LYZL2: variants seen among roughly 807,000 people sequenced by gnomAD.
LYZL2 encodes the protein lysozyme-like protein 2.
LYZL2 carries 13 observed loss-of-function variants against 17.1 expected under a neutral mutation model. The observed-to-expected ratio is 0.76, with a 90% CI of 0.49 to 1.21. The LOEUF (loss-of-function observed/expected upper bound fraction) is 1.21, where lower values mean the gene tolerates loss of function less well. Ranked by LOEUF, LYZL2 falls within the 50% of genes most tolerant of loss-of-function variation. LYZL2 has a pLI of 0.00. For synonymous variants in LYZL2, 63 were observed against 74.4 expected, an observed-to-expected ratio of 0.85 and a Z score of 0.79; for missense variants, 166 against 189.2, an observed-to-expected ratio of 0.88 and a Z score of 0.72.
chr10:30,612,079 T>C (rs1838455621), intron 4 of LYZL2, 55 bp from the exon 5 acceptor site: 1 of 1,597,870 alleles, frequency 6.3e-7, no homozygotes, highest in South Asian at 1.1e-5. Context: ...ATCCAAACCG[T>C]CTCAGTTTCA....
At chr10:30,609,452 T>C (rs1352008009), downstream of LYZL2, among the ~76,000 whole-genome samples, 1 of 151,990 alleles carries the variant, frequency 6.6e-6, no homozygotes, top group Non-Finnish European at 1.5e-5. Context: ...ATATACTGGG[T>C]ATAAAAGGAA....
At position 30,612,828 on chromosome 10, in the gene LYZL2, T is replaced by A; in HGVS notation, c.371A>T (p.Asn124Ile). Residue 124 changes from asparagine (N) to isoleucine (I), a missense_variant, in exon 4 of 5, where the codon AAC (asparagine) becomes ATC (isoleucine). Physicochemically the swap from Asn to Ile is moderately radical, Grantham distance 149. Around this residue, in one of 2 missense-constraint regions of LYZL2, gnomAD observed 134 missense variants for 129.4 expected, o/e 1.04. Transcript: ENST00000647634. ...KKIVKETQGM[N>I]YWQGWKKHCE... The stretch of plus-strand genomic sequence containing the variant: ...TCCAAGGAAAGACTCTTACCAATAG[T>A]TCATTCCTTGTGTCTCTTTAACAAT... 6.2e-7 allele frequency: 1 copy of A among 1,610,970 alleles called. No homozygotes were observed. The highest frequency in any genetic ancestry group is 8.5e-7 in the Non-Finnish European group (1 of 1,177,012).
At position 30,626,739 on chromosome 10, in the gene LYZL2, T is replaced by C. The variant is rs560286044; in HGVS notation, c.139+38A>G. 99 of 1,612,810 alleles carry C rather than the reference T, an allele frequency of 6.1e-5. No individual in the cohort carries two copies. In the South Asian group the frequency reaches 1.1e-3, roughly 18 times the overall value. The stretch of plus-strand genomic sequence containing the variant: ...GACCTTCAACATCTCAGGGGAAAGG[T>C]CAAGGACAGAAAGAGAGCAGGAAAG... On this transcript the variant is annotated intron_variant, in intron 2 of 4. Coordinates refer to ENST00000647634, the MANE Select transcript of LYZL2 (RefSeq NM_183058.3).
At chr10:30,617,367 A>T (rs939649787) in intron 3 of LYZL2, among the ~76,000 whole-genome samples, 9 of 152,236 alleles carry the variant, frequency 5.9e-5, no homozygotes, top group Admixed American at 2.0e-4. Context: ...CATTGGACAC[A>T]ACTGAATTTC....
At chr10:30,615,328 C>T (rs1838510667) in intron 3 of LYZL2, among the ~76,000 whole-genome samples, 1 of 152,138 alleles carries the variant, frequency 6.6e-6, no homozygotes, top group African/African-American at 2.4e-5. Flanking sequence ...GCAAAATCTA[C>T]AAAAGTTGAA....
At chr10:30,611,605 AAGAAAGAAAG>A (rs1358687038), downstream of LYZL2, among the ~76,000 whole-genome samples, 8 of 140,986 alleles carry the variant, frequency 5.7e-5, no homozygotes, top group African/African-American at 2.2e-4. Flanking sequence ...GAAAGAAAGA[AAGAAAGAAAG>A]AGAAAGAAAG....
At chr10:30,612,938 T>C (rs1172767668) in intron 3 of LYZL2, 38 bp from the exon 4 acceptor site, 8 of 1,556,978 alleles carry the variant, frequency 5.1e-6, no homozygotes, top group Non-Finnish European at 5.3e-6. Context: ...GGCGAGACTT[T>C]GTTGTTGGAG....
chr10:30,619,303 T>A (rs2132943101), intron 3 of LYZL2, among the ~76,000 whole-genome samples: 1 of 152,288 alleles, frequency 6.6e-6, no homozygotes, highest in South Asian at 2.1e-4. Context: ...GAAATACCAT[T>A]TGACGCAGCC....
chr10:30,622,921 A>G (rs1838647764), intron 3 of LYZL2, among the ~76,000 whole-genome samples: 1 of 152,248 alleles, frequency 6.6e-6, no homozygotes. Context: ...CACCTTAAAT[A>G]TAAAGACAGA....
At chr10:30,619,206 G>A (rs892678115) in intron 3 of LYZL2, among the ~76,000 whole-genome samples, 5 of 152,146 alleles carry the variant, frequency 3.3e-5, no homozygotes, top group Non-Finnish European at 5.9e-5. Flanking sequence ...TGGAGAAATA[G>A]GAACACTTTT....
intron 3 of LYZL2, among the ~76,000 whole-genome samples, chr10:30,624,833 C>A (rs1182070095): frequency 6.6e-6 from 1 of 152,082 alleles, no homozygotes; most frequent in Non-Finnish European, 1.5e-5. Context: ...TGCCTGAGTC[C>A]TTAGAAGCAG....
At chr10:30,627,181 GA>G (rs1564410864) in intron 1 of LYZL2, among the ~76,000 whole-genome samples, 1 of 149,830 alleles carries the variant, frequency 6.7e-6, no homozygotes, top group Non-Finnish European at 1.5e-5. Flanking sequence ...TTAAGTAAGT[GA>G]AAAAATTAAC....
At chr10:30,615,756 T>C (rs1173677692) in intron 3 of LYZL2, among the ~76,000 whole-genome samples, 1 of 152,212 alleles carries the variant, frequency 6.6e-6, no homozygotes, top group Admixed American at 6.5e-5. Flanking sequence ...CAATTAAAAC[T>C]TTAGTTCCTT....
At chr10:30,614,212 G>A (rs80275078) in intron 3 of LYZL2, among the ~76,000 whole-genome samples, 5,438 of 152,330 alleles carry the variant, frequency 0.036, 133 homozygotes, top group South Asian at 0.051. Flanking sequence ...GCTGAGATGG[G>A]TTTGAAATGC....
chr10:30,612,191 G>T (rs976217440), intron 4 of LYZL2, among the ~76,000 whole-genome samples, 167 bp from the exon 5 acceptor site: 2 of 152,214 alleles, frequency 1.3e-5, no homozygotes, highest in African/African-American at 4.8e-5. Flanking sequence ...TTCAGACTTT[G>T]ATCTCCTGGT....
chr10:30,629,614 C>T lies in LYZL2; in HGVS notation c.-47G>A. The T allele has an allele frequency of 6.2e-7, 1 of 1,614,180 alleles. No homozygotes were observed. The highest frequency in any genetic ancestry group is 8.5e-7 in the Non-Finnish European group (1 of 1,179,990). ...TTACTGAAAAGGCAGATTCCTGGTG[C>T]CTGCCGCAGAGGCTGACTTCTCAGT... On this transcript the variant is annotated 5_prime_UTR_variant, in exon 1 of 5. Transcript: ENST00000647634.
intron 3 of LYZL2, among the ~76,000 whole-genome samples, chr10:30,619,479 A>G (rs1838585593): frequency 6.6e-6 from 1 of 152,134 alleles, no homozygotes; most frequent in Admixed American, 6.6e-5. Flanking sequence ...CATATACACC[A>G]TGGAATACTA....
chr10:30,607,064 C>T (rs1838384967), downstream of LYZL2, among the ~76,000 whole-genome samples: 1 of 151,728 alleles, frequency 6.6e-6, no homozygotes, highest in Non-Finnish European at 1.5e-5. Flanking sequence ...GCACCCGCCA[C>T]CACGCCTGGC....
chr10:30,609,444 A>T (rs186919987), downstream of LYZL2, among the ~76,000 whole-genome samples: 3 of 152,346 alleles, frequency 2.0e-5, no homozygotes, highest in East Asian at 5.8e-4. Context: ...GGGAAATGAT[A>T]TACTGGGTAT....
Sources: gnomAD v4.1 joint callset for allele counts (sites outside exome capture counted in the v4.1 genomes callset) on GRCh38, gnomAD v4.1.1 for gene constraint, gnomAD v4.1.1 regional missense constraint, MANE v1.5 for transcripts, NCBI Gene and HGNC (gene_info 2026-07-23, HGNC 2026-07-21) for gene names.